Variants in TENM2 observed in about 807,000 individuals in gnomAD.
TENM2 encodes the protein teneurin transmembrane protein 2.
In TENM2, 52 loss-of-function variants were observed where a neutral mutation model predicts 245.2. The ratio of observed to expected loss-of-function variants is 0.21; its 90% CI spans 0.17 to 0.27. The LOEUF is 0.27. Among genes scored for constraint, TENM2 ranks in the 10% least tolerant of loss-of-function variants. TENM2 has a pLI of 1.00. For synonymous variants in TENM2, 1,363 were observed against 1,438.9 expected (o/e 0.95, Z 1.19); for missense variants, 3,046 against 3,666.8 (o/e 0.83, Z 4.37).
chr5:167,815,180 A>C (rs1331319835), intron 2 of TENM2, among the ~76,000 whole-genome samples: 1 of 152,116 alleles, frequency 6.6e-6, no homozygotes, highest in African/African-American at 2.4e-5. Context: ...AACCCTTTTC[A>C]TGTGACTTTC....
Position 167,755,557 on chromosome 5 carries a change from T to C in TENM2, c.503-120429T>C, listed in dbSNP as rs192366687. 4.6e-5 allele frequency among the ~76,000 whole-genome samples: 7 copies of C among 152,288 alleles called. No homozygotes were observed. In the East Asian group the frequency reaches 1.4e-3, roughly 29 times the overall value. On this transcript the variant is annotated intron_variant, in intron 2 of 28. Coordinates refer to ENST00000518659, the Ensembl canonical transcript of TENM2. ...CATCCTGTGTCTATTGCTGAAATACTCTTTCAAGTGACTCTGTCTGCATCT... is the reference window on the plus strand; with the variant it reads ...CATCCTGTGTCTATTGCTGAAATACCCTTTCAAGTGACTCTGTCTGCATCT...
chr5:167,885,439 A>T (rs770123803), intron 3 of TENM2, among the ~76,000 whole-genome samples: 2 of 152,152 alleles, frequency 1.3e-5, no homozygotes, highest in Non-Finnish European at 2.9e-5. Flanking sequence ...TGACAATAAC[A>T]TCTAGGCTTA....
intron 1 of TENM2, among the ~76,000 whole-genome samples, chr5:167,332,352 C>G (rs1489715999): frequency 6.6e-6 from 1 of 152,010 alleles, no homozygotes; most frequent in Non-Finnish European, 1.5e-5. Flanking sequence ...GTATGGATAG[C>G]TCTTGCTATT....
At chr5:167,808,421 G>A (rs1176496042) in intron 2 of TENM2, among the ~76,000 whole-genome samples, 2 of 151,998 alleles carry the variant, frequency 1.3e-5, no homozygotes, top group African/African-American at 2.4e-5. Flanking sequence ...CACCACCTCC[G>A]GCTAATTTTT....
chr5:167,185,623 AG>A, the TENM2 span, among the ~76,000 whole-genome samples: 1 of 152,120 alleles, frequency 6.6e-6, no homozygotes, highest in South Asian at 2.1e-4. Context: ...ATTCTTATCT[AG>A]TTAGTCTTAT....
chr5:167,161,959 G>A, the TENM2 span, among the ~76,000 whole-genome samples: 1 of 151,994 alleles, frequency 6.6e-6, no homozygotes, highest in East Asian at 1.9e-4. Flanking sequence ...ACAAGGTCAG[G>A]AGATCAACAA....
intron 2 of TENM2, among the ~76,000 whole-genome samples, chr5:167,517,753 G>T (rs1484653463): frequency 6.6e-6 from 1 of 152,120 alleles, no homozygotes; most frequent in African/African-American, 2.4e-5. Context: ...TACCAGATTT[G>T]TGCTATCTTG....
At chr5:167,180,864 C>T in the TENM2 span, among the ~76,000 whole-genome samples, 185 of 151,556 alleles carry the variant, frequency 1.2e-3, 1 homozygote, top group African/African-American at 4.3e-3. Context: ...GTCTTGCTGC[C>T]TCTGGGGTGG....
the TENM2 span, among the ~76,000 whole-genome samples, chr5:167,084,367 A>T: frequency 9.0e-6 from 1 of 110,778 alleles, no homozygotes; most frequent in Admixed American, 1.0e-4. Flanking sequence ...ATATATATAT[A>T]CAGATCAGAT....
chr5:167,236,188 G>A, the TENM2 span, among the ~76,000 whole-genome samples: 1 of 152,178 alleles, frequency 6.6e-6, no homozygotes, highest in Admixed American at 6.5e-5. Context: ...TGAGCCATGG[G>A]AGCTCTAAGA....
At chr5:167,390,154 A>G (rs1449258209) in intron 2 of TENM2, among the ~76,000 whole-genome samples, 1 of 152,200 alleles carries the variant, frequency 6.6e-6, no homozygotes, top group East Asian at 1.9e-4. Context: ...GTGGGATAGA[A>G]CACCAAATGT....
intron 13 of TENM2, among the ~76,000 whole-genome samples, chr5:168,166,429 G>A (rs963090250): frequency 3.3e-5 from 5 of 152,170 alleles, no homozygotes; most frequent in South Asian, 2.1e-4. Flanking sequence ...AACAGATAGA[G>A]ATATTTGAAA....
chr5:168,060,675 A>G (rs910337183), intron 6 of TENM2, among the ~76,000 whole-genome samples: 2 of 152,216 alleles, frequency 1.3e-5, no homozygotes, highest in African/African-American at 4.8e-5. Flanking sequence ...ATTGAGCTGC[A>G]TAAAAATCAA....
At chr5:167,537,138 A>G (rs1382450520) in intron 2 of TENM2, among the ~76,000 whole-genome samples, 3 of 150,240 alleles carry the variant, frequency 2.0e-5, no homozygotes, top group Admixed American at 1.3e-4. Context: ...GAGGATGGGT[A>G]TGGTGGATCA....
chr5:167,406,523 T>G (rs1762647760), intron 2 of TENM2, among the ~76,000 whole-genome samples: 1 of 152,122 alleles, frequency 6.6e-6, no homozygotes, highest in Non-Finnish European at 1.5e-5. Flanking sequence ...ACTTTATCAG[T>G]TGGATTGTTA....
At chr5:167,932,134 T>C (rs968613416) in intron 3 of TENM2, among the ~76,000 whole-genome samples, 13 of 152,190 alleles carry the variant, frequency 8.5e-5, no homozygotes, top group Admixed American at 6.5e-4. Context: ...TGTTAACTTC[T>C]GTGAGGCATC....
intron 1 of TENM2, chr5:167,303,444 G>A (rs1156247657): frequency 6.6e-6 from 1 of 152,248 alleles, no homozygotes; most frequent in African/African-American, 2.4e-5. Context: ...AAGGGGGGCT[G>A]TTCTCTGGCG....
intron 3 of TENM2, chr5:167,934,997 G>A: frequency 1.2e-6 from 1 of 827,246 alleles, no homozygotes; most frequent in Non-Finnish European, 1.5e-6. Context: ...AACAGTAGGT[G>A]TCATTTTAGT....
chr5:167,725,860 C>T (rs904591526), intron 2 of TENM2, among the ~76,000 whole-genome samples: 1 of 151,780 alleles, frequency 6.6e-6, no homozygotes, highest in African/African-American at 2.4e-5. Context: ...TTCCTCTACT[C>T]TACTTTAGCC....
Sources: gnomAD v4.1 joint callset for allele counts (sites outside exome capture counted in the v4.1 genomes callset) on GRCh38, gnomAD v4.1.1 for gene constraint, MANE v1.5 for transcripts, NCBI Gene and HGNC (gene_info 2026-07-23, HGNC 2026-07-21) for gene names.